The following KIAA1671 variants were observed in gnomAD, a reference collection of about 807,000 sequenced individuals.
KIAA1671 encodes the protein KIAA1671.
In KIAA1671, 52 loss-of-function variants were observed where a neutral mutation model predicts 131.2. The observed-to-expected ratio is 0.40, with a 90% CI of 0.32 to 0.50. The LOEUF is 0.50. KIAA1671 is among the 20% of genes least tolerant of loss of function. The pLI, the probability that KIAA1671 is intolerant of heterozygous loss-of-function variation, is 0.73. For missense variants in KIAA1671, 2,360 were observed against 2,364.2 expected (o/e 1.00, Z 0.04); for synonymous variants, 1,003 against 961.6 (o/e 1.04, Z -0.80).
chr22:25,095,564 TG>T (rs1930354692), intron 6 of KIAA1671, among the ~76,000 whole-genome samples: 1 of 152,112 alleles, frequency 6.6e-6, no homozygotes, highest in Admixed American at 6.5e-5. Flanking sequence ...GGCAGGAGAA[TG>T]ACGTGAACCC....
intron 1 of KIAA1671, among the ~76,000 whole-genome samples, chr22:24,971,782 G>C (rs531655525): frequency 1.3e-5 from 2 of 152,102 alleles, no homozygotes; most frequent in Non-Finnish European, 2.9e-5. Flanking sequence ...AGGGTTGGGG[G>C]GTTACCTGGG....
At chr22:25,073,550 ACT>A (rs112499522) in intron 6 of KIAA1671, among the ~76,000 whole-genome samples, 1 of 152,236 alleles carries the variant, frequency 6.6e-6, no homozygotes, top group Non-Finnish European at 1.5e-5. Context: ...CCTGAGATCT[ACT>A]CTCTCAACAA....
At chr22:25,091,088 T>TG (rs957763426) in intron 6 of KIAA1671, among the ~76,000 whole-genome samples, 5 of 152,112 alleles carry the variant, frequency 3.3e-5, no homozygotes, top group Admixed American at 3.3e-4. Context: ...GATGGAGTCT[T>TG]GCTCTGTCAC....
chr22:25,166,270 C>T (rs1017251447), intron 6 of KIAA1671, among the ~76,000 whole-genome samples: 4 of 152,074 alleles, frequency 2.6e-5, no homozygotes, highest in African/African-American at 7.2e-5. Flanking sequence ...TGGCATTAGG[C>T]GGTGGAGGGA....
chr22:25,161,594 C>T (rs1299975373), intron 6 of KIAA1671, among the ~76,000 whole-genome samples: 7 of 152,158 alleles, frequency 4.6e-5, no homozygotes, highest in East Asian at 1.9e-4. Context: ...GTGAGGACCC[C>T]GGCTTTATCT....
At chr22:25,058,171 C>T (rs1421516199) in intron 6 of KIAA1671, 6 of 152,256 alleles carry the variant, frequency 3.9e-5, no homozygotes, top group African/African-American at 1.4e-4. Flanking sequence ...TGCATGGGGG[C>T]AGGGCCTGGG....
intron 2 of KIAA1671, among the ~76,000 whole-genome samples, chr22:25,026,685 G>T (rs11913613): frequency 6.6e-6 from 1 of 151,794 alleles, no homozygotes; most frequent in Non-Finnish European, 1.5e-5. Flanking sequence ...AGCCAAGGTC[G>T]CGCCATTGCA....
chr22:25,041,383 T>C lies in KIAA1671; in HGVS notation c.4253T>C (p.Ile1418Thr). The change falls in exon 5 of 13, where the codon ATC (isoleucine) becomes ACC (threonine). Residue 1418 changes from isoleucine to threonine, a missense_variant. Ile to Thr is a moderately conservative substitution (Grantham distance 89). Around this residue, in one of 3 missense-constraint regions of KIAA1671, gnomAD observed 1,161 missense variants for 1,204.7 expected, o/e 0.96. Coordinates refer to ENST00000358431, the MANE Select transcript of KIAA1671 (RefSeq NM_001145206.2). ...TCAGAGAAGGGGCCCCCTGCCAACA[T>C]CCGAGAGGGCCTGTCCATCATGCAT... ...AYSEKGPPAN[I>T]REGLSIMHEA... 6.4e-7 allele frequency: 1 copy of C among 1,551,480 alleles called. No homozygotes were observed. Among genetic ancestry groups the C allele is most frequent in the Admixed American group, 2.0e-5 (1 of 50,986 alleles).
intron 6 of KIAA1671, among the ~76,000 whole-genome samples, chr22:25,120,545 T>C (rs1931882534): frequency 6.6e-6 from 1 of 152,190 alleles, no homozygotes; most frequent in African/African-American, 2.4e-5. Flanking sequence ...TCTGCTTTTG[T>C]TAAGTAATGT....
chr22:25,033,573 C>T (rs79834153), intron 4 of KIAA1671, among the ~76,000 whole-genome samples: 17,292 of 71,512 alleles, frequency 0.24, 1,251 homozygotes, highest in African/African-American at 0.28. Context: ...GGTTTGTTTT[C>T]GTTTTTTTTT....
intron 6 of KIAA1671, among the ~76,000 whole-genome samples, chr22:25,122,963 A>G (rs1376250879): frequency 3.3e-5 from 5 of 151,906 alleles, no homozygotes. Flanking sequence ...CGACAGAGCA[A>G]GACTCCATCT....
intron 1 of KIAA1671, among the ~76,000 whole-genome samples, chr22:24,990,749 G>A (rs763020986): frequency 7.2e-5 from 11 of 152,312 alleles, no homozygotes; most frequent in Non-Finnish European, 1.5e-4. Flanking sequence ...CGGGTGGGCA[G>A]CTTCATGCTG....
chr22:24,987,602 CTG>C (rs1252004630), intron 1 of KIAA1671, among the ~76,000 whole-genome samples: 1 of 152,162 alleles, frequency 6.6e-6, no homozygotes, highest in Non-Finnish European at 1.5e-5. Flanking sequence ...TCCTGAGTAA[CTG>C]AGACTACAGG....
At chr22:25,183,079 T>C (rs1022298019) in intron 10 of KIAA1671, among the ~76,000 whole-genome samples, 2 of 152,164 alleles carry the variant, frequency 1.3e-5, no homozygotes, top group Admixed American at 6.5e-5. Context: ...CCCCCCTGTT[T>C]CAGACATCAT....
rs970443076 is a variant in KIAA1671, at chr22:25,190,847, A to G, written c.*4+63A>G. On this transcript the variant is annotated intron_variant, in intron 12 of 12. Coordinates refer to ENST00000358431, the MANE Select transcript of KIAA1671 (RefSeq NM_001145206.2). Reference sequence around the variant, plus strand: ...CTGCAGTCACAGGAATGGGGAACTCAGGGGGGCCACGCTTCAGAGACTGGG... The same window carrying G: ...CTGCAGTCACAGGAATGGGGAACTCGGGGGGGCCACGCTTCAGAGACTGGG... 8 of 1,116,170 alleles carry G rather than the reference A, an allele frequency of 7.2e-6. No homozygotes were observed. The South Asian group carries it at 1.1e-4, about 15-fold the overall frequency. The allele number at this position is 1,116,170 out of a possible 1,614,324, so 69.1% of individuals were successfully genotyped here.
At chr22:25,117,582 C>CA (rs1415515210) in intron 6 of KIAA1671, among the ~76,000 whole-genome samples, 17 of 134,226 alleles carry the variant, frequency 1.3e-4, no homozygotes, top group Non-Finnish European at 1.4e-4. Context: ...GCATCTCCCC[C>CA]AACCACACAC....
intron 6 of KIAA1671, among the ~76,000 whole-genome samples, chr22:25,084,348 G>A (rs902576373): frequency 1.2e-4 from 18 of 151,368 alleles, no homozygotes; most frequent in African/African-American, 4.1e-4. Context: ...GGTGGCGCAC[G>A]CCTGTAATCC....
chr22:25,190,877 T>C, intron 12 of KIAA1671, 93 bp downstream of exon 12: 2 of 854,766 alleles, frequency 2.3e-6, no homozygotes, highest in South Asian at 3.0e-5. Context: ...ACTGGGGCTG[T>C]TGTACCCAAG....
At chr22:24,957,597 G>A (rs911390670) in intron 1 of KIAA1671, among the ~76,000 whole-genome samples, 3 of 151,788 alleles carry the variant, frequency 2.0e-5, no homozygotes, top group African/African-American at 7.3e-5. Context: ...GAGGACTGGG[G>A]AGAATGTAGG....
Sources: gnomAD v4.1 joint callset for allele counts (sites outside exome capture counted in the v4.1 genomes callset) on GRCh38, gnomAD v4.1.1 for gene constraint, gnomAD v4.1.1 regional missense constraint, MANE v1.5 for transcripts, NCBI Gene and HGNC (gene_info 2026-07-23, HGNC 2026-07-21) for gene names.